Variants in ITGB3 observed in about 807,000 individuals in gnomAD.
ITGB3 encodes the protein integrin beta-3.
A neutral mutation model predicts 85.8 loss-of-function variants in ITGB3; 48 were observed. That is an observed-to-expected ratio of 0.56 (90% confidence interval 0.44 to 0.71). ITGB3 has a LOEUF of 0.71. ITGB3 is among the 30% of genes least tolerant of loss of function. The probability of loss-of-function intolerance (pLI) is 0.00; values close to 1 mark genes in which losing one functional copy is unlikely to be tolerated. For synonymous variants in ITGB3, 363 were observed against 395.6 expected (o/e 0.92, Z 0.98); for missense variants, 861 against 1,019.1 (o/e 0.84, Z 2.11).
intron 9 of ITGB3, 200 bp downstream of exon 9, chr17:47,291,288 C>T (rs1259007115): frequency 9.4e-6 from 6 of 635,558 alleles, no homozygotes; most frequent in Non-Finnish European, 1.6e-5. Flanking sequence ...GTTGCGTAAG[C>T]CATTTCTGTT....
intron 2 of ITGB3, among the ~76,000 whole-genome samples, chr17:47,275,168 C>T (rs1323906720): frequency 6.6e-6 from 1 of 152,124 alleles, no homozygotes; most frequent in Non-Finnish European, 1.5e-5. Flanking sequence ...GATGATTGGG[C>T]CCCGCGGCTT....
intron 10 of ITGB3, among the ~76,000 whole-genome samples, chr17:47,297,219 C>G (rs954458536): frequency 2.6e-5 from 4 of 152,168 alleles, no homozygotes; most frequent in African/African-American, 7.2e-5. Context: ...AGAGGCTAAG[C>G]ACTTGGGATC....
In ITGB3 at chr17:47,292,138, G is replaced by T; in HGVS notation, c.1261-1G>T. ...TAAATACAATCTTTCTTTCCATCCA[G>T]GTGAGCTTCAGCATTGAGGCCAAGG... On this transcript the variant is annotated splice_acceptor_variant, in intron 9 of 14. Coordinates refer to ENST00000559488, the MANE Select transcript of ITGB3 (RefSeq NM_000212.3). LOFTEE classifies it high-confidence loss of function. 3 of 1,614,058 alleles carry T rather than the reference G, an allele frequency of 1.9e-6. No individual in the cohort carries two copies. Among genetic ancestry groups the T allele is most frequent in the Non-Finnish European group, 2.5e-6 (3 of 1,179,964 alleles).
At chr17:47,256,167 G>T (rs534479713) in intron 1 of ITGB3, among the ~76,000 whole-genome samples, 2 of 152,040 alleles carry the variant, frequency 1.3e-5, no homozygotes, top group African/African-American at 4.8e-5. Context: ...TGCATTAAAA[G>T]ATCCTTTAAG....
At chr17:47,296,229 G>T (rs1374080646) in intron 10 of ITGB3, among the ~76,000 whole-genome samples, 2 of 152,152 alleles carry the variant, frequency 1.3e-5, no homozygotes, top group Admixed American at 6.5e-5. Flanking sequence ...GGCAGCTTGG[G>T]TTATGTCCGC....
intron 10 of ITGB3, among the ~76,000 whole-genome samples, chr17:47,298,089 G>A (rs1427428728): frequency 3.3e-5 from 5 of 152,008 alleles, no homozygotes; most frequent in Non-Finnish European, 7.4e-5. Context: ...AGGTTGTGTT[G>A]GTGAACTTGA....
At chr17:47,309,475 T>A (rs1567771501) in intron 14 of ITGB3, among the ~76,000 whole-genome samples, 1 of 152,110 alleles carries the variant, frequency 6.6e-6, no homozygotes, top group Non-Finnish European at 1.5e-5. Flanking sequence ...CCTATCACTG[T>A]CACAGGGAAT....
rs372403289 is a variant in ITGB3, at chr17:47,302,574, C to A, written c.2015-147C>A. 8.6e-4 allele frequency: 792 copies of A among 924,316 alleles called. 4 individuals are homozygous for A. Among genetic ancestry groups the A allele is most frequent in the South Asian group, 5.3e-3 (348 of 65,540 alleles). 57.3% of individuals were successfully genotyped at this position (924,316 alleles called of 1,614,324 possible). A position where few individuals can be genotyped will look rare whatever the true frequency, so the allele number is the denominator to read the frequency against. ...AGTGAGTGGCAACTGCCAGACACAA[C>A]AGCCACCTTGAATCTAGGCATCGTG... On this transcript the variant is annotated intron_variant, in intron 12 of 14. Coordinates refer to ENST00000559488, the MANE Select transcript of ITGB3 (RefSeq NM_000212.3).
intron 1 of ITGB3, among the ~76,000 whole-genome samples, chr17:47,268,296 A>G (rs961400466): frequency 1.3e-5 from 2 of 152,170 alleles, no homozygotes; most frequent in African/African-American, 4.8e-5. Flanking sequence ...TCAAAACACA[A>G]TCATGACTTC....
chr17:47,277,200 C>G (rs762497684), intron 2 of ITGB3, among the ~76,000 whole-genome samples: 1 of 152,084 alleles, frequency 6.6e-6, no homozygotes, highest in South Asian at 2.1e-4. Context: ...AGACTCAACG[C>G]GTAGTCTTAG....
intron 1 of ITGB3, among the ~76,000 whole-genome samples, chr17:47,264,927 G>A (rs1361188873): frequency 6.6e-6 from 1 of 152,064 alleles, no homozygotes; most frequent in African/African-American, 2.4e-5. Context: ...GTGCATTTTT[G>A]TTGTGTATTT....
intron 1 of ITGB3, among the ~76,000 whole-genome samples, chr17:47,257,791 G>A (rs2064995527): frequency 6.6e-6 from 1 of 152,124 alleles, no homozygotes; most frequent in African/African-American, 2.4e-5. Context: ...TTCCCTCCTG[G>A]GAGGAGCCGT....
intron 1 of ITGB3, among the ~76,000 whole-genome samples, chr17:47,258,677 A>G (rs911656446): frequency 6.6e-6 from 1 of 152,030 alleles, no homozygotes; most frequent in Admixed American, 6.6e-5. Flanking sequence ...TTCTGAGCTC[A>G]GGCAATCTGC....
Position 47,286,409 on chromosome 17 carries a change from C to T in ITGB3, c.764C>T (p.Ala255Val). 1 of 1,614,146 alleles carries T rather than the reference C, an allele frequency of 6.2e-7. No homozygotes were observed. The highest frequency in any genetic ancestry group is 8.5e-7 in the Non-Finnish European group (1 of 1,180,022). ...PEGGFDAIMQ[A>V]TVCDEKIGWR... is the part of the protein sequence containing the mutation. ...GGTGGCTTTGATGCCATCATGCAGG[C>T]TACAGTCTGTGATGTGAGTTTGGAG... is the stretch of plus-strand genomic sequence containing the variant. Residue 255 changes from alanine to valine, a missense_variant, in exon 5 of 15, where the codon GCT becomes GTT. Ala to Val is a moderately conservative substitution (Grantham distance 64). Coordinates refer to ENST00000559488, the MANE Select transcript of ITGB3 (RefSeq NM_000212.3).
chr17:47,294,581 G>A (rs1024399721), intron 10 of ITGB3, among the ~76,000 whole-genome samples: 1 of 152,180 alleles, frequency 6.6e-6, no homozygotes, highest in South Asian at 2.1e-4. Flanking sequence ...AGCCATTGCC[G>A]CCTCCCTCTA....
At chr17:47,288,358 G>T (rs1428876836) in intron 6 of ITGB3, among the ~76,000 whole-genome samples, 3 of 152,104 alleles carry the variant, frequency 2.0e-5, no homozygotes, top group African/African-American at 7.2e-5. Context: ...TTATACATGA[G>T]AAAACTTCTT....
At position 47,258,349 on chromosome 17, in the gene ITGB3, G is replaced by A. The variant is rs567251893; in HGVS notation, c.79+4409G>A. On this transcript the variant is annotated intron_variant, in intron 1 of 14. Coordinates refer to ENST00000559488, the MANE Select transcript of ITGB3 (RefSeq NM_000212.3). The stretch of plus-strand genomic sequence containing the variant: ...CCTATTCCCCGTGTGGGAACTGCTG[G>A]CATTTATTGAAACGTGAGACTCTCC... Among the ~76,000 whole-genome samples the A allele has an allele frequency of 2.0e-5, 3 of 152,188 alleles. No homozygotes were observed. The East Asian group carries it at 5.8e-4, about 29-fold the overall frequency.
chr17:47,276,083 G>T (rs1453957008), intron 2 of ITGB3, among the ~76,000 whole-genome samples: 1 of 152,210 alleles, frequency 6.6e-6, no homozygotes, highest in African/African-American at 2.4e-5. Flanking sequence ...GTAGCCGAAA[G>T]CCTTCAGGAG....
At chr17:47,300,361 G>GTA (rs949362291) in intron 11 of ITGB3, 117 bp from the exon 12 acceptor site, 1 of 751,654 alleles carries the variant, frequency 1.3e-6, no homozygotes, top group East Asian at 2.6e-5. Flanking sequence ...GTGTGTGTGT[G>GTA]TGTGTGTTTT....
Sources: allele counts gnomAD v4.1 joint callset (sites outside exome capture counted in the v4.1 genomes callset), GRCh38; gene constraint gnomAD v4.1.1; transcripts MANE v1.5; gene names NCBI Gene and HGNC (gene_info 2026-07-23, HGNC 2026-07-21).